Variants in CREB5 observed in about 807,000 individuals in gnomAD.
CREB5 encodes cAMP responsive element binding protein 5, also known as cyclic AMP-responsive element-binding protein 5.
A neutral mutation model predicts 57.1 loss-of-function variants in CREB5; 19 were observed. The observed-to-expected ratio is 0.33, with a 90% CI of 0.23 to 0.49. The LOEUF (loss-of-function observed/expected upper bound fraction) is 0.49. Among genes scored for constraint, CREB5 ranks in the 20% least tolerant of loss-of-function variants. The pLI, the probability that CREB5 is intolerant of heterozygous loss-of-function variation, is 0.99. For synonymous variants in CREB5, 238 were observed against 238.3 expected (o/e 1.00, Z 0.01); for missense variants, 579 against 671.6 (o/e 0.86, Z 1.52).
At chr7:28,632,566 T>C (rs1236419715) in intron 5 of CREB5, among the ~76,000 whole-genome samples, 1 of 152,172 alleles carries the variant, frequency 6.6e-6, no homozygotes, top group Non-Finnish European at 1.5e-5. Context: ...TCATTAGAAA[T>C]ATCTATGGAA....
At chr7:28,638,770 A>G (rs1798529116) in intron 5 of CREB5, among the ~76,000 whole-genome samples, 1 of 152,214 alleles carries the variant, frequency 6.6e-6, no homozygotes, top group Admixed American at 6.5e-5. Flanking sequence ...TTTATATATG[A>G]AAAACCTGAC....
intron 8 of CREB5, 70 bp downstream of exon 8, chr7:28,804,592 G>C: frequency 6.5e-7 from 1 of 1,537,058 alleles, no homozygotes; most frequent in Admixed American, 1.7e-5. Context: ...TAATGCTGGG[G>C]TCATTTGCAG....
At chr7:28,798,999 T>C (rs1014193207) in intron 7 of CREB5, among the ~76,000 whole-genome samples, 1 of 152,042 alleles carries the variant, frequency 6.6e-6, no homozygotes, top group African/African-American at 2.4e-5. Context: ...GAGAGTGGAG[T>C]AGAAATTTCT....
At chr7:28,638,294 C>CAT (rs1554278720) in intron 5 of CREB5, among the ~76,000 whole-genome samples, 8 of 128,048 alleles carry the variant, frequency 6.2e-5, no homozygotes, top group African/African-American at 2.3e-4. Flanking sequence ...CACACACACA[C>CAT]GAACACACAC....
At chr7:28,357,245 G>A (rs777912714) in intron 1 of CREB5, among the ~76,000 whole-genome samples, 1 of 152,162 alleles carries the variant, frequency 6.6e-6, no homozygotes, top group South Asian at 2.1e-4. Context: ...TCTTCAGCAT[G>A]GATCTAGATT....
chr7:28,338,627 T>G (rs1255408319), intron 1 of CREB5, among the ~76,000 whole-genome samples: 1 of 152,130 alleles, frequency 6.6e-6, no homozygotes, highest in African/African-American at 2.4e-5. Context: ...TCCTTGGTGT[T>G]CTATAACCTC....
rs565611881 is a variant in CREB5, at chr7:28,745,075, TC to T, written c.702+20744del. On this transcript the variant is annotated intron_variant, in intron 7 of 10. Transcript: ENST00000357727. The stretch of plus-strand genomic sequence containing the variant: ...ACCGTGTACTGTGCATTTGCACAAT[TC>T]TGAGAGTGAATATCTCTTTAAATCT... 1.8e-4 allele frequency among the ~76,000 whole-genome samples: 28 copies of T among 152,382 alleles called. No homozygotes were observed. The East Asian group carries it at 4.6e-3, about 25-fold the overall frequency.
chr7:28,539,989 C>T (rs564534536), intron 4 of CREB5, among the ~76,000 whole-genome samples: 3 of 152,276 alleles, frequency 2.0e-5, no homozygotes, highest in South Asian at 2.1e-4. Context: ...GCATGGTACA[C>T]GTGTAATGTG....
Position 28,389,797 on chromosome 7 carries a change from A to G in CREB5, c.-25+90356A>G, listed in dbSNP as rs139623886. ...GTCCCTCTGCTGGCTTATTTAATGC[A>G]GAAGTCTGAGCGGCCCCTCCCCTCC... On this transcript the variant is annotated intron_variant, in intron 1 of 9. Transcript: ENST00000396299. Among the ~76,000 whole-genome samples the G allele has an allele frequency of 4.7e-4, 72 of 152,300 alleles. 1 individual carries two copies. The highest frequency in any genetic ancestry group is 1.7e-3 in the African/African-American group (70 of 41,566).
intron 5 of CREB5, among the ~76,000 whole-genome samples, chr7:28,642,987 T>TACACACACACACACACACACACAC (rs1179446048): frequency 1.1e-4 from 11 of 98,332 alleles, no homozygotes; most frequent in Non-Finnish European, 1.5e-4. Context: ...CACACACACA[T>TACACACACACACACACACACACAC]ACACACACAC....
intron 5 of CREB5, among the ~76,000 whole-genome samples, chr7:28,573,150 C>T (rs552261347): frequency 2.0e-5 from 3 of 152,258 alleles, no homozygotes; most frequent in Admixed American, 1.3e-4. Flanking sequence ...CATTTGGGGA[C>T]GGTTGACTCT....
At chr7:28,400,484 A>T (rs1276492810) in intron 1 of CREB5, among the ~76,000 whole-genome samples, 1 of 152,208 alleles carries the variant, frequency 6.6e-6, no homozygotes, top group Non-Finnish European at 1.5e-5. Context: ...AAACAGCACA[A>T]TGTCCCAGTG....
At chr7:28,660,092 A>AC (rs1799540055) in intron 5 of CREB5, among the ~76,000 whole-genome samples, 1 of 152,184 alleles carries the variant, frequency 6.6e-6, no homozygotes, top group African/African-American at 2.4e-5. Flanking sequence ...AGCTGAGATG[A>AC]TTGGCAGTTT....
At chr7:28,738,823 T>C (rs1222800384) in intron 7 of CREB5, among the ~76,000 whole-genome samples, 1 of 152,216 alleles carries the variant, frequency 6.6e-6, no homozygotes, top group Non-Finnish European at 1.5e-5. Context: ...AAGTCTGTTT[T>C]GTAGATTTCT....
intron 2 of CREB5, among the ~76,000 whole-genome samples, chr7:28,489,511 C>T (rs1791710862): frequency 6.6e-6 from 1 of 151,914 alleles, no homozygotes; most frequent in Admixed American, 6.6e-5. Flanking sequence ...CCTTGTTAGC[C>T]AGTATGGTCT....
At chr7:28,482,621 C>T (rs1047442090) in intron 1 of CREB5, among the ~76,000 whole-genome samples, 25 of 152,276 alleles carry the variant, frequency 1.6e-4, no homozygotes, top group African/African-American at 4.1e-4. Flanking sequence ...AGATCTGTTT[C>T]GTGTGAGTCC....
chr7:28,403,338 C>T (rs1787514063), intron 1 of CREB5, among the ~76,000 whole-genome samples: 1 of 152,156 alleles, frequency 6.6e-6, no homozygotes, highest in Non-Finnish European at 1.5e-5. Flanking sequence ...TTATTGAGCA[C>T]ATTCTAAATG....
chr7:28,807,066 G>A (rs921691618), intron 8 of CREB5, among the ~76,000 whole-genome samples: 2 of 152,194 alleles, frequency 1.3e-5, no homozygotes, highest in African/African-American at 4.8e-5. Context: ...TAGCAACTCT[G>A]ATGAGTAAGA....
intron 7 of CREB5, among the ~76,000 whole-genome samples, chr7:28,731,650 T>C (rs1258799234): frequency 6.6e-6 from 1 of 152,256 alleles, no homozygotes; most frequent in Non-Finnish European, 1.5e-5. Context: ...CCTCTGTATA[T>C]ACTATCAAGT....
Sources: gnomAD v4.1 joint callset for allele counts (sites outside exome capture counted in the v4.1 genomes callset) on GRCh38, gnomAD v4.1.1 for gene constraint, MANE v1.5 for transcripts, NCBI Gene and HGNC (gene_info 2026-07-23, HGNC 2026-07-21) for gene names.